NUDCD1: variants seen among roughly 807,000 people sequenced by gnomAD.
NUDCD1 encodes NudC domain containing 1, also known as nudC domain-containing protein 1.
A neutral mutation model predicts 67.8 loss-of-function variants in NUDCD1; 60 were observed. That is an observed-to-expected ratio of 0.88 (90% confidence interval 0.72 to 1.10). The LOEUF (loss-of-function observed/expected upper bound fraction) is 1.10, where lower values mean the gene tolerates loss of function less well. Ranked by LOEUF, NUDCD1 falls within the 50% of genes least tolerant of loss-of-function variation. The pLI, the probability that NUDCD1 is intolerant of heterozygous loss-of-function variation, is 0.00. For missense variants in NUDCD1, 643 were observed against 695.0 expected, an observed-to-expected ratio of 0.93 and a Z score of 0.84; for synonymous variants, 244 against 230.8, an observed-to-expected ratio of 1.06 and a Z score of -0.52.
In NUDCD1 at chr8:109,242,302, A is replaced by C; in HGVS notation, c.*707T>G. The stretch of plus-strand genomic sequence containing the variant: ...GATTCGTCTAGTCTACTGGAGGCTG[A>C]GAGGCCCTGTACAGCAGAGACAGCC... On this transcript the variant is annotated 3_prime_UTR_variant, in exon 10 of 10. Transcript: ENST00000239690. 2.5e-6 allele frequency: 1 copy of C among 394,492 alleles called. No individual in the cohort carries two copies. The highest frequency in any genetic ancestry group is 4.5e-6 in the Non-Finnish European group (1 of 223,680). 24.4% of individuals were successfully genotyped at this position (394,492 alleles called of 1,614,324 possible).
chr8:109,287,217 A>T (rs1405067510), intron 5 of NUDCD1, among the ~76,000 whole-genome samples: 2 of 152,224 alleles, frequency 1.3e-5, no homozygotes, highest in Non-Finnish European at 2.9e-5. Flanking sequence ...CCCCTGTGGA[A>T]AGCAGTTTGG....
intron 8 of NUDCD1, among the ~76,000 whole-genome samples, chr8:109,257,474 T>C (rs1035733588): frequency 2.0e-5 from 3 of 152,224 alleles, no homozygotes; most frequent in East Asian, 3.9e-4. Context: ...AGAGACAATG[T>C]TTATGGATCA....
At chr8:109,267,269 C>T (rs1047401291) in intron 8 of NUDCD1, among the ~76,000 whole-genome samples, 3 of 152,112 alleles carry the variant, frequency 2.0e-5, no homozygotes, top group Non-Finnish European at 4.4e-5. Flanking sequence ...AATCCTCACC[C>T]TCCTCCCTCC....
chr8:109,271,555 G>A (rs2129952882), intron 7 of NUDCD1, among the ~76,000 whole-genome samples: 1 of 152,212 alleles, frequency 6.6e-6, no homozygotes, highest in African/African-American at 2.4e-5. Context: ...CATAAAAGCA[G>A]GGAAACTCAG....
rs59659347 is a variant in NUDCD1 at position 109,263,054 on chromosome 8, CAAA to C, written c.1299+7948_1299+7950del. Among the ~76,000 whole-genome samples, 47 of 42,004 alleles carry C rather than the reference CAAA, an allele frequency of 1.1e-3. 1 individual carries two copies. The highest frequency in any genetic ancestry group is 2.0e-3 in the South Asian group (1 of 492). 27.6% of individuals were successfully genotyped at this position (42,004 alleles called of 152,430 possible). A position where few individuals can be genotyped will look rare whatever the true frequency, so the allele number is the denominator to read the frequency against. ...CGGGGGACAGAGTGAGACTCTGTCTCAAAAAAAAAAAAAAAAAAAAAAAAACCC... is the reference window on the plus strand; with the variant it reads ...CGGGGGACAGAGTGAGACTCTGTCTCAAAAAAAAAAAAAAAAAAAAAACCC... On this transcript the variant is annotated intron_variant, in intron 8 of 9. Transcript: ENST00000239690.
chr8:109,267,836 T>C (rs1438644542), intron 8 of NUDCD1, among the ~76,000 whole-genome samples: 1 of 152,204 alleles, frequency 6.6e-6, no homozygotes, highest in Non-Finnish European at 1.5e-5. Context: ...CACAGAAATC[T>C]ATTGTTCACA....
In NUDCD1 at chr8:109,293,359, T is replaced by C. The variant is rs776464607; in HGVS notation, c.625A>G (p.Ser209Gly). The C allele has an allele frequency of 6.4e-7, 1 of 1,554,194 alleles. No homozygotes were observed. Among genetic ancestry groups the C allele is most frequent in the East Asian group, 2.4e-5 (1 of 42,198 alleles). The part of the protein sequence containing the change: ...FYVSLEWVTI[S>G]KKNQDNKKYE... Reference sequence around the variant, plus strand: ...TTTGTTTTACCTTGATTTTTCTTACTGATAGTGACCCACTCCAGAGAAACA... The same window carrying C: ...TTTGTTTTACCTTGATTTTTCTTACCGATAGTGACCCACTCCAGAGAAACA... Residue 209 changes from serine to glycine, a missense_variant, in exon 4 of 10, where the codon AGT becomes GGT. Transcript: ENST00000239690.
At chr8:109,333,815 GAA>G in intron 1 of NUDCD1, 76 bp downstream of exon 1, 1 of 1,475,974 alleles carries the variant, frequency 6.8e-7, no homozygotes, top group Non-Finnish European at 9.3e-7. Context: ...CAGAAAGAAA[GAA>G]ATTGCGGGAA....
intron 1 of NUDCD1, 54 bp from the exon 2 acceptor site, chr8:109,322,517 T>A: frequency 3.5e-6 from 5 of 1,440,496 alleles, no homozygotes; most frequent in Non-Finnish European, 4.8e-6. Flanking sequence ...TCAGATAGTT[T>A]CTATCTGTAG....
At chr8:109,317,179 G>A (rs1815420441) in intron 2 of NUDCD1, among the ~76,000 whole-genome samples, 1 of 152,094 alleles carries the variant, frequency 6.6e-6, no homozygotes, top group African/African-American at 2.4e-5. Context: ...ACCCATTACT[G>A]CACAAAAAAC....
At chr8:109,259,724 T>C (rs772477541) in intron 8 of NUDCD1, among the ~76,000 whole-genome samples, 29 of 152,312 alleles carry the variant, frequency 1.9e-4, no homozygotes, top group Middle Eastern at 6.8e-3. Flanking sequence ...GATTTGGTGG[T>C]AGTACTTTAA....
chr8:109,275,286 G>A, intron 7 of NUDCD1, 66 bp downstream of exon 7: 2 of 1,443,550 alleles, frequency 1.4e-6, no homozygotes, highest in Non-Finnish European at 1.9e-6. Context: ...TGAAAAGCAT[G>A]GCATAATCTT....
intron 8 of NUDCD1, among the ~76,000 whole-genome samples, chr8:109,255,229 C>T (rs773474170): frequency 8.5e-5 from 13 of 152,122 alleles, no homozygotes; most frequent in Non-Finnish European, 1.8e-4. Context: ...TATAAATATG[C>T]TTATAATCTA....
At chr8:109,318,786 C>G (rs1815462713) in intron 2 of NUDCD1, among the ~76,000 whole-genome samples, 4 of 152,058 alleles carry the variant, frequency 2.6e-5, no homozygotes, top group Admixed American at 2.0e-4. Context: ...TTAGAAATAA[C>G]AGGAGGAAGA....
At chr8:109,317,992 A>G (rs1283769520) in intron 2 of NUDCD1, among the ~76,000 whole-genome samples, 1 of 152,232 alleles carries the variant, frequency 6.6e-6, no homozygotes, top group Non-Finnish European at 1.5e-5. Context: ...CTGAACTTAT[A>G]TGTAGAAGTA....
At chr8:109,302,902 CCCA>C (rs972985392) in intron 2 of NUDCD1, among the ~76,000 whole-genome samples, 3 of 152,118 alleles carry the variant, frequency 2.0e-5, no homozygotes, top group African/African-American at 7.2e-5. Context: ...GGCCCTCAAC[CCCA>C]CAACAGGACT....
At position 109,322,404 on chromosome 8, in the gene NUDCD1, C is replaced by A. The variant is rs759145541; in HGVS notation, c.178G>T (p.Gly60Ter). 4 of 1,604,522 alleles carry A rather than the reference C, an allele frequency of 2.5e-6. No individual in the cohort carries two copies. Among genetic ancestry groups the A allele is most frequent in the Non-Finnish European group, 3.4e-6 (4 of 1,172,152 alleles). ...TCACAGTGCAGGTAATTATACATTCCAAAAGCATGCATGTGTTCCAGTGTA... is the reference window on the plus strand; with the variant it reads ...TCACAGTGCAGGTAATTATACATTCAAAAAGCATGCATGTGTTCCAGTGTA... ...QYTLEHMHAF[G>*]MYNYLHCDSW... Residue 60 changes from glycine (G) to a stop codon, truncating the protein, a stop_gained, in exon 2 of 10, where the codon GGA (glycine) becomes TGA (stop). Transcript: ENST00000239690. LOFTEE classifies it high-confidence loss of function.
At chr8:109,266,157 C>CAT (rs10673570) in intron 8 of NUDCD1, among the ~76,000 whole-genome samples, 94,719 of 150,828 alleles carry the variant, frequency 0.63, 30,938 homozygotes, top group African/African-American at 0.81. Context: ...ACTTTAATAA[C>CAT]ATTTTATTAA....
intron 6 of NUDCD1, among the ~76,000 whole-genome samples, chr8:109,278,718 A>G (rs1244900168): frequency 6.6e-6 from 1 of 152,118 alleles, no homozygotes; most frequent in African/African-American, 2.4e-5. Flanking sequence ...ATTGCTTTTT[A>G]TTTATTGCTA....
Sources: gnomAD v4.1 joint callset for allele counts (sites outside exome capture counted in the v4.1 genomes callset) on GRCh38, gnomAD v4.1.1 for gene constraint, MANE v1.5 for transcripts, NCBI Gene and HGNC (gene_info 2026-07-23, HGNC 2026-07-21) for gene names.